Variants in CSMD1 observed in about 807,000 individuals in gnomAD.
CSMD1 encodes CUB and sushi domain-containing protein 1.
A neutral mutation model predicts 417.5 loss-of-function variants in CSMD1; 213 were observed. The observed-to-expected ratio is 0.51, with a 90% CI of 0.46 to 0.57. The LOEUF (loss-of-function observed/expected upper bound fraction) is 0.57, where lower values mean the gene tolerates loss of function less well. Among genes scored for constraint, CSMD1 ranks in the 20% least tolerant of loss-of-function variants. CSMD1 has a pLI of 0.00. For synonymous variants in CSMD1, 2,862 were observed against 1,736.8 expected (o/e 1.65, Z -16.11); for missense variants, 6,923 against 4,529.7 (o/e 1.53, Z -15.17).
chr8:4,302,696 G>T (rs1585192009), intron 3 of CSMD1, among the ~76,000 whole-genome samples: 1 of 152,140 alleles, frequency 6.6e-6, no homozygotes, highest in African/African-American at 2.4e-5. Flanking sequence ...AAACTGGTGT[G>T]TATGTGCCGT....
chr8:4,235,112 T>C (rs1585070956), intron 3 of CSMD1, among the ~76,000 whole-genome samples: 1 of 152,282 alleles, frequency 6.6e-6, no homozygotes, highest in East Asian at 1.9e-4. Context: ...AAAATTATGT[T>C]GCTTTAATCC....
At chr8:4,946,133 G>C (rs994486652) in intron 1 of CSMD1, among the ~76,000 whole-genome samples, 12 of 152,118 alleles carry the variant, frequency 7.9e-5, no homozygotes, top group Admixed American at 5.9e-4. Flanking sequence ...TCGGGTTACA[G>C]GGATAACTTC....
At chr8:4,217,421 A>G (rs1047361371) in intron 3 of CSMD1, among the ~76,000 whole-genome samples, 3 of 152,196 alleles carry the variant, frequency 2.0e-5, no homozygotes, top group African/African-American at 4.8e-5. Context: ...GACACATTTT[A>G]TAATGGTGAT....
At chr8:4,900,653 C>A (rs1482704665) in intron 1 of CSMD1, among the ~76,000 whole-genome samples, 1 of 152,180 alleles carries the variant, frequency 6.6e-6, no homozygotes, top group Admixed American at 6.5e-5. Flanking sequence ...CTGTACTCGC[C>A]CTACTCTCTG....
chr8:4,368,160 A>G (rs1277661854), intron 3 of CSMD1, among the ~76,000 whole-genome samples: 2 of 152,108 alleles, frequency 1.3e-5, no homozygotes, highest in African/African-American at 2.4e-5. Context: ...TTTTTGAGAT[A>G]TATTCCTTCA....
At chr8:3,538,013 T>TACA (rs1242342425) in intron 10 of CSMD1, among the ~76,000 whole-genome samples, 4 of 152,238 alleles carry the variant, frequency 2.6e-5, no homozygotes, top group Non-Finnish European at 5.9e-5. Flanking sequence ...AGGGCTTTCC[T>TACA]ACAAGACTGT....
intron 1 of CSMD1, among the ~76,000 whole-genome samples, chr8:4,742,745 C>T (rs1585029450): frequency 6.6e-6 from 1 of 152,066 alleles, no homozygotes; most frequent in Admixed American, 6.5e-5. Flanking sequence ...GAAAGAAAAA[C>T]AAATGTATGG....
At chr8:4,789,525 CT>C (rs1259186416) in intron 1 of CSMD1, among the ~76,000 whole-genome samples, 1 of 152,160 alleles carries the variant, frequency 6.6e-6, no homozygotes, top group Non-Finnish European at 1.5e-5. Context: ...TATAATTTTA[CT>C]GTGCATCTAC....
chr8:4,794,644 A>G (rs1797874631), intron 1 of CSMD1, among the ~76,000 whole-genome samples: 1 of 151,906 alleles, frequency 6.6e-6, no homozygotes, highest in Non-Finnish European at 1.5e-5. Flanking sequence ...GAACCTCCCC[A>G]TTGTCCCCAT....
intron 37 of CSMD1, among the ~76,000 whole-genome samples, chr8:3,166,449 G>C (rs1298800836): frequency 6.6e-6 from 1 of 152,052 alleles, no homozygotes; most frequent in African/African-American, 2.4e-5. Context: ...CAGGAGAATC[G>C]CTTGAACCTG....
At chr8:4,381,056 G>A (rs1803071229) in intron 3 of CSMD1, among the ~76,000 whole-genome samples, 1 of 152,186 alleles carries the variant, frequency 6.6e-6, no homozygotes. Flanking sequence ...TGTGAGTATT[G>A]TGGGTTATAT....
intron 5 of CSMD1, among the ~76,000 whole-genome samples, chr8:3,871,650 C>T (rs1411991679): frequency 1.3e-5 from 2 of 152,108 alleles, no homozygotes; most frequent in African/African-American, 2.4e-5. Flanking sequence ...TACCATTAGT[C>T]TCAACCTTTA....
At chr8:3,122,983 C>T (rs568099223) in intron 41 of CSMD1, among the ~76,000 whole-genome samples, 3 of 151,992 alleles carry the variant, frequency 2.0e-5, no homozygotes, top group East Asian at 1.9e-4. Context: ...TCCAGGTGTT[C>T]GAAGGAAGAA....
intron 26 of CSMD1, among the ~76,000 whole-genome samples, chr8:3,249,765 A>T (rs1336701435): frequency 6.6e-6 from 1 of 152,182 alleles, no homozygotes. Context: ...GTTTTTTTTA[A>T]ATCTAATCAA....
chr8:4,925,359 A>C (rs151287935), intron 1 of CSMD1, among the ~76,000 whole-genome samples: 2 of 149,876 alleles, frequency 1.3e-5, no homozygotes, highest in African/African-American at 4.9e-5. Context: ...ACTCCTGTTG[A>C]AACCTGACAT....
chr8:3,343,481 A>G lies in CSMD1; in HGVS notation c.3475-31T>C, dbSNP rs1438217465. 2.5e-6 allele frequency: 4 copies of G among 1,590,434 alleles called. No homozygotes were observed. In the South Asian group the frequency reaches 4.4e-5, roughly 18 times the overall value. ...GAAAATTCACAGCATGAGTCCCTCT[A>G]TGCCTTCACTGGATTCTTATGTTAG... On this transcript the variant is annotated intron_variant, in intron 22 of 69. Transcript: ENST00000635120.
At chr8:4,875,361 G>A (rs1227678802) in intron 1 of CSMD1, among the ~76,000 whole-genome samples, 1 of 152,070 alleles carries the variant, frequency 6.6e-6, no homozygotes, top group Non-Finnish European at 1.5e-5. Context: ...GAACTGAAAA[G>A]TGACTTGTTT....
intron 10 of CSMD1, among the ~76,000 whole-genome samples, chr8:3,535,024 C>G (rs370920998): frequency 2.0e-5 from 3 of 152,132 alleles, no homozygotes; most frequent in Admixed American, 6.5e-5. Context: ...CAGAACTCAC[C>G]GTAGCATTCA....
Position 4,155,799 on chromosome 8 carries a change from G to C in CSMD1, c.416-123700C>G, listed in dbSNP as rs534448700. On this transcript the variant is annotated intron_variant, in intron 3 of 69. Coordinates refer to ENST00000635120, the MANE Select transcript of CSMD1 (RefSeq NM_033225.6). ...TAATTTGTGTATTAAGAGCCACAAA[G>C]GGGAATACACAAAGCTGCAAAGTCA... Among the ~76,000 whole-genome samples the C allele has an allele frequency of 7.1e-4, 108 of 152,232 alleles. No individual in the cohort carries two copies. The Middle Eastern group carries it at 0.01, about 14-fold the overall frequency.
Sources: allele counts gnomAD v4.1 joint callset (sites outside exome capture counted in the v4.1 genomes callset), GRCh38; gene constraint gnomAD v4.1.1; transcripts MANE v1.5; gene names NCBI Gene and HGNC (gene_info 2026-07-23, HGNC 2026-07-21).